The following NRAP variants were observed in gnomAD, a reference collection of about 807,000 sequenced individuals.
NRAP encodes the protein nebulin related anchoring protein.
NRAP carries 189 observed loss-of-function variants against 225.9 expected under a neutral mutation model. The observed-to-expected ratio is 0.84, with a 90% CI of 0.74 to 0.94. NRAP has a LOEUF of 0.94. NRAP is among the 40% of genes least tolerant of loss of function. The probability of loss-of-function intolerance (pLI) is 0.00; values close to 1 mark genes in which losing one functional copy is unlikely to be tolerated. For synonymous variants in NRAP, 769 were observed against 790.7 expected, an observed-to-expected ratio of 0.97 and a Z score of 0.46; for missense variants, 2,176 against 2,168.7, an observed-to-expected ratio of 1.00 and a Z score of -0.07.
At chr10:113,658,881 C>CAAAAAAAAA (rs57340533) in intron 3 of NRAP, among the ~76,000 whole-genome samples, 3 of 78,154 alleles carry the variant, frequency 3.8e-5, no homozygotes, top group African/African-American at 8.0e-5. Flanking sequence ...GACCCTGTCT[C>CAAAAAAAAA]AAAAAAAAAA....
At position 113,621,950 on chromosome 10, in the gene NRAP, C is replaced by G. The variant is rs1054750507; in HGVS notation, c.2688G>C (p.Lys896Asn). ...AQHLATDVGYKTAEHHFTALP... is the reference protein window; with the variant it reads ...AQHLATDVGYNTAEHHFTALP... ...AAGCCGTAAAGTGATGTTCCGCTGT[C>G]TTGTAGCCTACGTCTGTGGCTAAAT... The change falls in exon 24 of 42, where the codon AAG becomes AAC. Residue 896 changes from lysine to asparagine, a missense_variant. Lys to Asn is a moderately conservative substitution (Grantham distance 94). Around this residue, in one of 3 missense-constraint regions of NRAP, gnomAD observed 1,708 missense variants for 1,695.5 expected, o/e 1.01. Transcript: ENST00000359988. 1.2e-6 allele frequency: 2 copies of G among 1,614,102 alleles called. No homozygotes were observed. The highest frequency in any genetic ancestry group is 1.7e-6 in the Non-Finnish European group (2 of 1,180,054).
rs1044847015 is a variant in NRAP, at chr10:113,588,939, C to T, written c.*36G>A. 3.0e-5 allele frequency: 47 copies of T among 1,546,000 alleles called. No homozygotes were observed. Among genetic ancestry groups the T allele is most frequent in the Non-Finnish European group, 3.9e-5 (44 of 1,121,462 alleles). On this transcript the variant is annotated 3_prime_UTR_variant, in exon 42 of 42. Transcript: ENST00000359988. ...AAGCCTGTCTCTGGTGAACAAACTTCCTCTCTGGCCTCTCAGGAATCAGGG... is the reference window on the plus strand; with the variant it reads ...AAGCCTGTCTCTGGTGAACAAACTTTCTCTCTGGCCTCTCAGGAATCAGGG...
Position 113,622,058 on chromosome 10 carries a change from G to T in NRAP, c.2580C>A (p.Tyr860Ter). The T allele has an allele frequency of 6.2e-7, 1 of 1,614,162 alleles. No homozygotes were observed. Among genetic ancestry groups the T allele is most frequent in the Non-Finnish European group, 8.5e-7 (1 of 1,180,006 alleles). The change falls in exon 24 of 42, where the codon TAC (tyrosine) becomes TAA (stop). Residue 860 changes from tyrosine (Y) to a stop codon, truncating the protein, a stop_gained. Transcript: ENST00000359988. LOFTEE classifies it high-confidence loss of function. ...ATTTGGTGTCCTCGAATCCCTTCTT[G>T]TACTCCAGCTCACTCTGCAGCTTGG... ...QMSKLQSELE[Y>*]KKGFEDTKSQ...
chr10:113,612,556 G>T, intron 29 of NRAP, 125 bp from the exon 30 acceptor site: 1 of 735,104 alleles, frequency 1.4e-6, no homozygotes, highest in Non-Finnish European at 2.3e-6. Flanking sequence ...GGCAGGGCCA[G>T]TGCTCCTTTC....
intron 9 of NRAP, among the ~76,000 whole-genome samples, chr10:113,648,931 CCAAATACAGGA>C (rs1240587211): frequency 6.6e-6 from 1 of 152,094 alleles, no homozygotes; most frequent in Admixed American, 6.6e-5. Context: ...ATAGGATTGG[CCAAATACAGGA>C]CAAAATACTT....
In NRAP at chr10:113,589,805, G is replaced by T. The variant is rs780931577; in HGVS notation, c.4957-8C>A. The T allele has an allele frequency of 6.8e-6, 11 of 1,612,528 alleles. No homozygotes were observed. Among genetic ancestry groups the T allele is most frequent in the African/African-American group, 1.3e-5 (1 of 74,830 alleles). ...GTCTGATTTATACTTGACCTTGAGGGTAAGAGGGAAGCAAGAGGAATATGT... is the reference window on the plus strand; with the variant it reads ...GTCTGATTTATACTTGACCTTGAGGTTAAGAGGGAAGCAAGAGGAATATGT... On this transcript the variant is annotated splice_polypyrimidine_tract_variant and splice_region_variant and intron_variant, in intron 40 of 41. Coordinates refer to ENST00000359988, the MANE Select transcript of NRAP (RefSeq NM_198060.4).
At chr10:113,594,510 A>G (rs1846175407) in intron 38 of NRAP, among the ~76,000 whole-genome samples, 1 of 152,132 alleles carries the variant, frequency 6.6e-6, no homozygotes, top group Non-Finnish European at 1.5e-5. Context: ...CGTTCCTCAA[A>G]TGGAGGCCTT....
At chr10:113,656,144 A>T (rs1008083723) in intron 4 of NRAP, among the ~76,000 whole-genome samples, 1 of 152,176 alleles carries the variant, frequency 6.6e-6, no homozygotes, top group Non-Finnish European at 1.5e-5. Context: ...TTTACAATCT[A>T]TTCTCTCTGA....
At chr10:113,606,083 T>G in intron 33 of NRAP, 95 bp downstream of exon 33, 2 of 968,092 alleles carry the variant, frequency 2.1e-6, no homozygotes, top group Non-Finnish European at 3.3e-6. Flanking sequence ...AAAAAGCTTC[T>G]GTGAAGGCCA....
In NRAP at chr10:113,589,041, ACT is replaced by A; in HGVS notation, c.5125_5126del (p.Ser1709TrpfsTer9). On this transcript the variant is annotated frameshift_variant, in exon 42 of 42. Transcript: ENST00000359988. LOFTEE classifies it high-confidence loss of function. The part of the protein sequence containing the change: ...AEAVEAGDHQ[S>X]GEVNPDATEI... ...CAGTGGCATCTGGGTTCACCTCCCC[ACT>A]CTGATGATCTCCAGCCTCCACTGCT... is the stretch of plus-strand genomic sequence containing the variant. 1 of 1,613,390 alleles carries A rather than the reference ACT, an allele frequency of 6.2e-7. No homozygotes were observed. The highest frequency in any genetic ancestry group is 2.2e-5 in the East Asian group (1 of 44,840).
At chr10:113,634,981 G>T (rs2134058235) in intron 14 of NRAP, among the ~76,000 whole-genome samples, 1 of 152,194 alleles carries the variant, frequency 6.6e-6, no homozygotes, top group South Asian at 2.1e-4. Flanking sequence ...GAGTCCCCAA[G>T]GAAATTGCCC....
At chr10:113,661,145 T>A (rs899502014) in intron 3 of NRAP, among the ~76,000 whole-genome samples, 2 of 152,146 alleles carry the variant, frequency 1.3e-5, no homozygotes, top group Non-Finnish European at 2.9e-5. Context: ...TACTTGTGAA[T>A]TCATAAGACT....
intron 21 of NRAP, 42 bp downstream of exon 21, chr10:113,626,005 T>G: frequency 2.8e-6 from 4 of 1,439,552 alleles, no homozygotes; most frequent in Non-Finnish European, 3.8e-6. Context: ...CCCAGGCCCA[T>G]GACACAGCAG....
At chr10:113,607,395 C>G (rs1847040337) in intron 32 of NRAP, among the ~76,000 whole-genome samples, 1 of 51,684 alleles carries the variant, frequency 1.9e-5, no homozygotes, top group African/African-American at 7.9e-5. Context: ...GAGCGAAACT[C>G]CGTCAAAAAA....
chr10:113,633,729 CAT>C (rs2134050461), intron 15 of NRAP, among the ~76,000 whole-genome samples: 2 of 152,092 alleles, frequency 1.3e-5, no homozygotes, highest in East Asian at 3.9e-4. Flanking sequence ...ATTATATAAA[CAT>C]GTTTTTTCTT....
chr10:113,633,271 A>G (rs1460340217), intron 15 of NRAP, 83 bp from the exon 16 acceptor site: 1 of 778,178 alleles, frequency 1.3e-6, no homozygotes, highest in African/African-American at 1.7e-5. Context: ...TCCCCCTTAG[A>G]CCCATAGTTG....
intron 10 of NRAP, 32 bp downstream of exon 10, chr10:113,646,891 T>C (rs367925529): frequency 7.0e-7 from 1 of 1,420,304 alleles, no homozygotes; most frequent in Non-Finnish European, 1.0e-6. Context: ...TCTCTGCCTC[T>C]GGCTCTGTGG....
chr10:113,632,055 T>G, intron 16 of NRAP, 91 bp from the exon 17 acceptor site: 1 of 796,712 alleles, frequency 1.3e-6, no homozygotes, highest in Non-Finnish European at 2.2e-6. Context: ...GGATTTTTCC[T>G]CTATTTACAG....
chr10:113,647,061 G>C, intron 9 of NRAP, 34 bp from the exon 10 acceptor site: 1 of 1,351,240 alleles, frequency 7.4e-7, no homozygotes, highest in Non-Finnish European at 1.1e-6. Context: ...AGTGAGTAAT[G>C]CTTCCCTCCC....
Sources: allele counts gnomAD v4.1 joint callset (sites outside exome capture counted in the v4.1 genomes callset), GRCh38; gene constraint gnomAD v4.1.1; regional missense constraint gnomAD v4.1.1; transcripts MANE v1.5; gene names NCBI Gene and HGNC (gene_info 2026-07-23, HGNC 2026-07-21).